Variants in PNLIPRP3 observed in about 807,000 individuals in gnomAD.
The protein encoded by PNLIPRP3 is pancreatic lipase related protein 3.
Under a neutral mutation model 52.8 loss-of-function variants are expected in PNLIPRP3, and 58 were observed. The observed-to-expected ratio is 1.10, with a 90% CI of 0.89 to 1.37. The LOEUF (loss-of-function observed/expected upper bound fraction) is 1.37, where lower values mean the gene tolerates loss of function less well. Among genes scored for constraint, PNLIPRP3 ranks in the 40% most tolerant of loss-of-function variants. PNLIPRP3 has a pLI of 0.00. For synonymous variants in PNLIPRP3, 192 were observed against 185.0 expected (o/e 1.04, Z -0.31); for missense variants, 593 against 561.6 (o/e 1.06, Z -0.57).
Position 116,460,985 on chromosome 10 carries a change from A to G in PNLIPRP3, c.585A>G (p.Pro195=). Residue 195 remains proline, a synonymous_variant, in exon 6 of 12, where the codon CCA becomes CCG. Coordinates refer to ENST00000369230, the MANE Select transcript of PNLIPRP3 (RefSeq NM_001011709.3). Reference sequence around the variant, plus strand: ...CTCTAGGGTTGGACCCAGCTGGGCCATTTTTCCACAACACTCCAAAGGAAG... The same window carrying G: ...CTCTAGGGTTGGACCCAGCTGGGCCGTTTTTCCACAACACTCCAAAGGAAG... The part of the protein sequence containing the change: ...GRITGLDPAG[P]FFHNTPKEVR... The G allele has an allele frequency of 6.2e-7, 1 of 1,612,246 alleles. No homozygotes were observed. Among genetic ancestry groups the G allele is most frequent in the South Asian group, 1.1e-5 (1 of 91,002 alleles).
At chr10:116,432,136 G>C (rs1206056592) in intron 1 of PNLIPRP3, among the ~76,000 whole-genome samples, 1 of 152,142 alleles carries the variant, frequency 6.6e-6, no homozygotes, top group Non-Finnish European at 1.5e-5. Flanking sequence ...GGCTAGAATT[G>C]TTTTCTCCAA....
intron 1 of PNLIPRP3, among the ~76,000 whole-genome samples, chr10:116,436,043 G>A (rs1845769731): frequency 6.6e-6 from 1 of 152,220 alleles, no homozygotes; most frequent in Non-Finnish European, 1.5e-5. Context: ...ACACCCATGT[G>A]TATATGGTCA....
At chr10:116,470,009 A>G (rs1846342013) in intron 9 of PNLIPRP3, among the ~76,000 whole-genome samples, 1 of 151,316 alleles carries the variant, frequency 6.6e-6, no homozygotes, top group African/African-American at 2.4e-5. Context: ...GGTTGCAAAG[A>G]TAGTTAGAAG....
chr10:116,463,532 C>A (rs1407266345), intron 7 of PNLIPRP3, among the ~76,000 whole-genome samples: 1 of 152,092 alleles, frequency 6.6e-6, no homozygotes, highest in South Asian at 2.1e-4. Context: ...AGAACTTAAC[C>A]AATGTCAGTT....
At chr10:116,460,053 A>C (rs1048499523) in intron 5 of PNLIPRP3, among the ~76,000 whole-genome samples, 1 of 152,138 alleles carries the variant, frequency 6.6e-6, no homozygotes, top group Non-Finnish European at 1.5e-5. Context: ...GGTGTGAGCC[A>C]CCGCGCCCAG....
chr10:116,437,233 C>T (rs1362702121), intron 2 of PNLIPRP3, among the ~76,000 whole-genome samples: 1 of 152,126 alleles, frequency 6.6e-6, no homozygotes, highest in African/African-American at 2.4e-5. Context: ...GGAGAAATGA[C>T]ATGTACAAAC....
chr10:116,435,012 T>C (rs1259614078), intron 1 of PNLIPRP3, among the ~76,000 whole-genome samples: 1 of 152,162 alleles, frequency 6.6e-6, no homozygotes, highest in Non-Finnish European at 1.5e-5. Context: ...TCCTGAGTAA[T>C]TCAAATATTA....
chr10:116,443,922 A>G (rs904213364), intron 3 of PNLIPRP3, among the ~76,000 whole-genome samples: 1 of 148,830 alleles, frequency 6.7e-6, no homozygotes, highest in East Asian at 2.0e-4. Flanking sequence ...CCTAAGTATT[A>G]CTCCATTTTC....
intron 1 of PNLIPRP3, among the ~76,000 whole-genome samples, chr10:116,434,734 A>C (rs1845752328): frequency 6.6e-6 from 1 of 152,220 alleles, no homozygotes; most frequent in African/African-American, 2.4e-5. Flanking sequence ...GCAAAAAATA[A>C]GGGCAACTGG....
intron 2 of PNLIPRP3, among the ~76,000 whole-genome samples, chr10:116,438,648 T>C (rs962916220): frequency 5.9e-5 from 9 of 152,216 alleles, no homozygotes; most frequent in African/African-American, 2.2e-4. Context: ...TTGTAATGGA[T>C]AGAAGCCTGA....
chr10:116,439,739 A>G (rs1459954151), intron 2 of PNLIPRP3: 1 of 768,630 alleles, frequency 1.3e-6, no homozygotes. Context: ...AATTCTGAAC[A>G]GAACAGGAAG....
intron 1 of PNLIPRP3, among the ~76,000 whole-genome samples, chr10:116,436,150 G>T (rs1275195867): frequency 6.6e-6 from 1 of 151,928 alleles, no homozygotes; most frequent in African/African-American, 2.4e-5. Context: ...ACATTCAAAA[G>T]AATAAAATTG....
chr10:116,443,406 C>T (rs954382114), intron 3 of PNLIPRP3, among the ~76,000 whole-genome samples: 9 of 151,784 alleles, frequency 5.9e-5, no homozygotes, highest in Non-Finnish European at 1.2e-4. Context: ...AAATTCTTCT[C>T]TTGACAGGAG....
At chr10:116,434,534 C>A (rs562220861) in intron 1 of PNLIPRP3, among the ~76,000 whole-genome samples, 1 of 152,142 alleles carries the variant, frequency 6.6e-6, no homozygotes, top group Non-Finnish European at 1.5e-5. Context: ...GCTCACTGTG[C>A]TTTATCACAT....
At chr10:116,448,026 GAA>G (rs1845979001) in intron 4 of PNLIPRP3, among the ~76,000 whole-genome samples, 1 of 4,398 alleles carries the variant, frequency 2.3e-4, no homozygotes, top group African/African-American at 2.8e-4. Flanking sequence ...AGGAAGGAAG[GAA>G]AGAAAGAAAG....
At chr10:116,452,384 C>G (rs149688962) in intron 4 of PNLIPRP3, among the ~76,000 whole-genome samples, 82 of 152,302 alleles carry the variant, frequency 5.4e-4, no homozygotes, top group Non-Finnish European at 9.3e-4. Context: ...ACAAAAAAAG[C>G]TTTTTCAAGA....
chr10:116,474,108 G>A (rs541392953), intron 10 of PNLIPRP3, among the ~76,000 whole-genome samples: 7 of 152,088 alleles, frequency 4.6e-5, no homozygotes, highest in East Asian at 1.9e-4. Flanking sequence ...TAGACCCAAC[G>A]GAATAGAGAA....
chr10:116,467,053 C>T (rs1300211511), intron 8 of PNLIPRP3, among the ~76,000 whole-genome samples: 1 of 152,196 alleles, frequency 6.6e-6, no homozygotes, highest in African/African-American at 2.4e-5. Context: ...CTGGCATTTA[C>T]TTCTAGGAGA....
At chr10:116,430,836 T>A (rs903458305) in intron 1 of PNLIPRP3, among the ~76,000 whole-genome samples, 14 of 152,190 alleles carry the variant, frequency 9.2e-5, no homozygotes, top group Non-Finnish European at 1.5e-4. Context: ...AATCTTCTGG[T>A]ACCTACCATT....
Sources: gnomAD v4.1 joint callset for allele counts (sites outside exome capture counted in the v4.1 genomes callset) on GRCh38, gnomAD v4.1.1 for gene constraint, MANE v1.5 for transcripts, NCBI Gene and HGNC (gene_info 2026-07-23, HGNC 2026-07-21) for gene names.